Variants in ST6GAL2 observed in about 807,000 individuals in gnomAD.
ST6GAL2 encodes beta-galactoside alpha-2,6-sialyltransferase 2.
A neutral mutation model predicts 37.5 loss-of-function variants in ST6GAL2; 24 were observed. The observed-to-expected ratio is 0.64, with a 90% CI of 0.46 to 0.90. ST6GAL2 has a LOEUF of 0.90. ST6GAL2 is among the 40% of genes least tolerant of loss of function. The pLI is 0.00. For synonymous variants in ST6GAL2, 306 were observed against 295.1 expected (o/e 1.04, Z -0.38); for missense variants, 715 against 712.7 (o/e 1.00, Z -0.04).
Position 106,806,937 on chromosome 2 carries a change from A to G in ST6GAL2, c.1331T>C (p.Met444Thr). 6.2e-7 allele frequency: 1 copy of G among 1,608,870 alleles called. No individual in the cohort carries two copies. Among genetic ancestry groups the G allele is most frequent in the Non-Finnish European group, 8.5e-7 (1 of 1,175,774 alleles). The change falls in exon 6 of 6, where the codon ATG becomes ACG. Residue 444 changes from methionine to threonine, a missense_variant. Coordinates refer to ENST00000409382, the MANE Select transcript of ST6GAL2 (RefSeq NM_001142351.2). Reference protein sequence around the residue: ...PSSGFIGILIMMSMCREVHVY... With the variant: ...PSSGFIGILITMSMCREVHVY... ...GTGCACCTCTCTGCACATGGACATC[A>G]TTATGAGGATTCCTGACATGAAAAC...
intron 2 of ST6GAL2, among the ~76,000 whole-genome samples, chr2:106,842,733 G>A (rs986610372): frequency 1.3e-5 from 2 of 152,124 alleles, no homozygotes; most frequent in African/African-American, 2.4e-5. Flanking sequence ...GGCAAAGGGC[G>A]GCGCTTTCCT....
intron 2 of ST6GAL2, among the ~76,000 whole-genome samples, chr2:106,842,633 G>A (rs975466134): frequency 6.6e-6 from 1 of 152,152 alleles, no homozygotes; most frequent in Non-Finnish European, 1.5e-5. Context: ...TGGGTTCACC[G>A]GGCTTTCAGG....
chr2:106,813,183 G>T, intron 5 of ST6GAL2: 1 of 1,355,022 alleles, frequency 7.4e-7, no homozygotes. Context: ...CGTGATCTCG[G>T]CTCACTGCAA....
Position 106,801,696 on chromosome 2 carries a change from T to G in ST6GAL2, c.*4982A>C, listed in dbSNP as rs150112022. The G allele has an allele frequency of 3.7e-4, 57 of 152,360 alleles. No homozygotes were observed. Among genetic ancestry groups the G allele is most frequent in the African/African-American group, 1.4e-3 (57 of 41,590 alleles). The allele number at this position is 152,360 out of a possible 1,614,324, so 9.4% of individuals were successfully genotyped here. On this transcript the variant is annotated 3_prime_UTR_variant, in exon 6 of 6. Coordinates refer to ENST00000409382, the MANE Select transcript of ST6GAL2 (RefSeq NM_001142351.2). ...AAAACCAAAATAGAAAATATCCAAG[T>G]GTTAAAATGTGTACAAACACTTTTA...
intron 1 of ST6GAL2, among the ~76,000 whole-genome samples, chr2:106,862,908 AT>A (rs1240117654): frequency 9.8e-6 from 1 of 101,850 alleles, no homozygotes; most frequent in African/African-American, 3.4e-5. Flanking sequence ...ATTTGATAAA[AT>A]ATGTTTCTAT....
At chr2:106,813,128 T>TTTTTG in intron 5 of ST6GAL2, 1 of 1,253,810 alleles carries the variant, frequency 8.0e-7, no homozygotes, top group Non-Finnish European at 1.0e-6. Flanking sequence ...TTTTTTTTTT[T>TTTTTG]TTGAGATGGA....
At chr2:106,845,174 G>A (rs1216978916) in intron 1 of ST6GAL2, among the ~76,000 whole-genome samples, 2 of 152,176 alleles carry the variant, frequency 1.3e-5, no homozygotes, top group African/African-American at 4.8e-5. Context: ...TGGCTATGAT[G>A]GGTGTTTTGG....
intron 1 of ST6GAL2, among the ~76,000 whole-genome samples, chr2:106,870,390 A>G (rs1187461110): frequency 6.6e-6 from 1 of 152,206 alleles, no homozygotes; most frequent in Non-Finnish European, 1.5e-5. Context: ...GTAAACAGGT[A>G]AACCCAGGCC....
intron 5 of ST6GAL2, among the ~76,000 whole-genome samples, chr2:106,822,461 T>C (rs757524970): frequency 6.6e-6 from 1 of 151,826 alleles, no homozygotes; most frequent in Non-Finnish European, 1.5e-5. Flanking sequence ...ATCTCGATAA[T>C]GAAAATTATA....
intron 1 of ST6GAL2, among the ~76,000 whole-genome samples, chr2:106,868,741 G>C (rs1678139129): frequency 6.6e-6 from 1 of 152,194 alleles, no homozygotes; most frequent in Admixed American, 6.5e-5. Context: ...CATCTGTGTA[G>C]AGTTTGGGGG....
intron 1 of ST6GAL2, among the ~76,000 whole-genome samples, chr2:106,858,703 C>T (rs1274681962): frequency 6.6e-6 from 1 of 152,106 alleles, no homozygotes; most frequent in East Asian, 1.9e-4. Flanking sequence ...ACACCAAACC[C>T]TCTTGGGCTA....
intron 4 of ST6GAL2, 96 bp from the exon 5 acceptor site, chr2:106,830,336 T>C: frequency 1.0e-6 from 1 of 976,524 alleles, no homozygotes; most frequent in Non-Finnish European, 1.5e-6. Flanking sequence ...GGGGCCAGGC[T>C]GGGGCTAGAG....
chr2:106,867,650 C>T (rs977287768), intron 1 of ST6GAL2, among the ~76,000 whole-genome samples: 12 of 152,222 alleles, frequency 7.9e-5, no homozygotes, highest in African/African-American at 2.6e-4. Flanking sequence ...GCAGAGGCTG[C>T]ACTTCATGCA....
intron 2 of ST6GAL2, among the ~76,000 whole-genome samples, chr2:106,837,581 G>A (rs1019283960): frequency 2.0e-5 from 3 of 152,140 alleles, no homozygotes; most frequent in Non-Finnish European, 2.9e-5. Flanking sequence ...CTCCACCAGC[G>A]AGGTGACTGC....
intron 1 of ST6GAL2, among the ~76,000 whole-genome samples, chr2:106,852,765 T>C (rs1677422453): frequency 6.6e-6 from 1 of 152,124 alleles, no homozygotes; most frequent in Non-Finnish European, 1.5e-5. Context: ...TAGGCTGTTG[T>C]AGGGTTAGGC....
chr2:106,852,913 G>C (rs983546359), intron 1 of ST6GAL2, among the ~76,000 whole-genome samples: 4 of 152,138 alleles, frequency 2.6e-5, no homozygotes, highest in Non-Finnish European at 5.9e-5. Flanking sequence ...ACATTGTCTC[G>C]ATTCCTCGTC....
intron 1 of ST6GAL2, among the ~76,000 whole-genome samples, chr2:106,880,753 A>C (rs1678716676): frequency 6.6e-6 from 1 of 150,530 alleles, no homozygotes; most frequent in Admixed American, 6.6e-5. Context: ...CTTCAGTTGG[A>C]AGGGCTAGGC....
At chr2:106,821,399 T>C (rs1675999034) in intron 5 of ST6GAL2, among the ~76,000 whole-genome samples, 1 of 150,614 alleles carries the variant, frequency 6.6e-6, no homozygotes, top group African/African-American at 2.4e-5. Flanking sequence ...ATTAATAGTA[T>C]ATAATAAATT....
chr2:106,877,163 GA>G (rs1678539492), intron 1 of ST6GAL2, among the ~76,000 whole-genome samples: 2 of 152,192 alleles, frequency 1.3e-5, no homozygotes, highest in Admixed American at 1.3e-4. Flanking sequence ...ACCACCTTCA[GA>G]AAGTTTAGGA....
Sources: allele counts gnomAD v4.1 joint callset (sites outside exome capture counted in the v4.1 genomes callset), GRCh38; gene constraint gnomAD v4.1.1; transcripts MANE v1.5; gene names NCBI Gene and HGNC (gene_info 2026-07-23, HGNC 2026-07-21).